The following CACNA2D1 variants were observed in gnomAD, a reference collection of about 807,000 sequenced individuals.
The protein encoded by CACNA2D1 is calcium voltage-gated channel auxiliary subunit alpha2delta 1, also known as voltage-dependent calcium channel subunit alpha-2/delta-1.
A neutral mutation model predicts 171.5 loss-of-function variants in CACNA2D1; 53 were observed. The observed-to-expected ratio is 0.31, with a 90% CI of 0.25 to 0.39. The LOEUF is 0.39. Ranked by LOEUF, CACNA2D1 falls within the 10% of genes least tolerant of loss-of-function variation. The pLI is 1.00. For missense variants in CACNA2D1, 903 were observed against 1,299.8 expected (o/e 0.69, Z 4.69); for synonymous variants, 442 against 443.1 (o/e 1.00, Z 0.03).
intron 3 of CACNA2D1, among the ~76,000 whole-genome samples, chr7:82,216,761 C>A (rs538643314): frequency 6.6e-6 from 1 of 151,364 alleles, no homozygotes; most frequent in South Asian, 2.1e-4. Flanking sequence ...GAGGAAAGAC[C>A]AAAAGGACAG....
chr7:82,413,400 T>A (rs1303338798), intron 1 of CACNA2D1, among the ~76,000 whole-genome samples: 1 of 152,200 alleles, frequency 6.6e-6, no homozygotes, highest in East Asian at 1.9e-4. Context: ...CTCTTCAGAG[T>A]CTTCCCACCT....
intron 1 of CACNA2D1, among the ~76,000 whole-genome samples, chr7:82,414,592 G>T (rs1475624571): frequency 6.6e-6 from 1 of 152,328 alleles, no homozygotes; most frequent in South Asian, 2.1e-4. Context: ...ATTCCATCCA[G>T]GGAGGCCAGG....
chr7:82,060,203 A>G (rs1419763862), intron 10 of CACNA2D1, among the ~76,000 whole-genome samples: 1 of 28,750 alleles, frequency 3.5e-5, no homozygotes, highest in Non-Finnish European at 6.2e-5. Context: ...TATATATATT[A>G]TATATATAAT....
chr7:82,151,320 T>C (rs1346599024), intron 4 of CACNA2D1, among the ~76,000 whole-genome samples: 1 of 152,234 alleles, frequency 6.6e-6, no homozygotes, highest in South Asian at 2.1e-4. Context: ...GAGTAGTAAA[T>C]GAAGATCTGT....
chr7:82,117,554 G>T (rs562233422), intron 5 of CACNA2D1, among the ~76,000 whole-genome samples: 5 of 152,130 alleles, frequency 3.3e-5, no homozygotes, highest in South Asian at 4.1e-4. Flanking sequence ...GGGAGGAAGA[G>T]GGGGGCAGAT....
At chr7:82,247,391 C>T (rs1009584383) in intron 3 of CACNA2D1, among the ~76,000 whole-genome samples, 2 of 151,752 alleles carry the variant, frequency 1.3e-5, no homozygotes, top group Non-Finnish European at 2.9e-5. Flanking sequence ...GCATCTGTAG[C>T]CCCAGCTACT....
chr7:82,023,293 T>G (rs1801473982), intron 12 of CACNA2D1, among the ~76,000 whole-genome samples: 1 of 151,916 alleles, frequency 6.6e-6, no homozygotes, highest in Non-Finnish European at 1.5e-5. Context: ...ACATGGATCC[T>G]GTTTTAAAGC....
At chr7:82,393,878 A>G (rs1476516206) in intron 1 of CACNA2D1, among the ~76,000 whole-genome samples, 1 of 152,222 alleles carries the variant, frequency 6.6e-6, no homozygotes, top group African/African-American at 2.4e-5. Context: ...AGATAAACAG[A>G]CACCTCATAG....
intron 1 of CACNA2D1, among the ~76,000 whole-genome samples, chr7:82,423,588 T>C (rs571491236): frequency 4.0e-4 from 61 of 152,150 alleles, no homozygotes; most frequent in Non-Finnish European, 4.1e-4. Flanking sequence ...GAGCTTGTAG[T>C]TCCTCGTCAA....
chr7:82,133,623 T>C (rs1185997290), intron 5 of CACNA2D1, among the ~76,000 whole-genome samples: 1 of 152,228 alleles, frequency 6.6e-6, no homozygotes, highest in Non-Finnish European at 1.5e-5. Flanking sequence ...TGTGTAAAGA[T>C]GTACTGATAT....
chr7:82,171,542 T>C (rs1245948999), intron 3 of CACNA2D1, among the ~76,000 whole-genome samples: 1 of 152,062 alleles, frequency 6.6e-6, no homozygotes, highest in Non-Finnish European at 1.5e-5. Flanking sequence ...ATGTGAGTAA[T>C]GTGAAAGCCT....
chr7:82,326,498 T>C (rs907326293), intron 3 of CACNA2D1, among the ~76,000 whole-genome samples: 5 of 152,176 alleles, frequency 3.3e-5, no homozygotes, highest in Non-Finnish European at 5.9e-5. Context: ...TATATGTACT[T>C]TGCAGAACAG....
intron 11 of CACNA2D1, among the ~76,000 whole-genome samples, chr7:82,036,209 T>A (rs1803271177): frequency 6.6e-6 from 1 of 152,152 alleles, no homozygotes; most frequent in Non-Finnish European, 1.5e-5. Context: ...TCCTCACTTC[T>A]ATTCCCACAC....
At chr7:82,128,792 C>A (rs2129066658) in intron 5 of CACNA2D1, among the ~76,000 whole-genome samples, 1 of 152,184 alleles carries the variant, frequency 6.6e-6, no homozygotes, top group East Asian at 1.9e-4. Context: ...GCTACTACTT[C>A]ATCTCTACTC....
intron 1 of CACNA2D1, among the ~76,000 whole-genome samples, chr7:82,354,601 T>C (rs926057017): frequency 6.6e-6 from 1 of 152,178 alleles, no homozygotes; most frequent in Non-Finnish European, 1.5e-5. Context: ...ACCAGTTATC[T>C]GTTAAGGGAC....
chr7:81,967,360 A>C (rs567127967), intron 30 of CACNA2D1, among the ~76,000 whole-genome samples, 153 bp from the exon 31 acceptor site: 1 of 151,518 alleles, frequency 6.6e-6, no homozygotes, highest in Admixed American at 6.6e-5. Flanking sequence ...GTTTTATCTT[A>C]TTAGACAATG....
intron 6 of CACNA2D1, among the ~76,000 whole-genome samples, chr7:82,107,558 G>A (rs1787898472): frequency 6.7e-6 from 1 of 149,346 alleles, no homozygotes; most frequent in Non-Finnish European, 1.5e-5. Flanking sequence ...CACAAATTTG[G>A]AAATTTCACT....
intron 3 of CACNA2D1, among the ~76,000 whole-genome samples, chr7:82,205,353 G>C (rs1415721605): frequency 6.6e-6 from 1 of 151,990 alleles, no homozygotes; most frequent in Non-Finnish European, 1.5e-5. Flanking sequence ...AGGCTTGGGG[G>C]GAATCTTTTG....
intron 17 of CACNA2D1, 48 bp from the exon 18 acceptor site, chr7:82,005,545 T>C: frequency 8.4e-7 from 1 of 1,185,982 alleles, no homozygotes; most frequent in Non-Finnish European, 1.2e-6. Context: ...GAGTCACAAT[T>C]AGAAATCTAT....
Sources: allele counts gnomAD v4.1 joint callset (sites outside exome capture counted in the v4.1 genomes callset), GRCh38; gene constraint gnomAD v4.1.1; transcripts MANE v1.5; gene names NCBI Gene and HGNC (gene_info 2026-07-23, HGNC 2026-07-21).